The following NIPSNAP3B variants were observed in gnomAD, a reference collection of about 807,000 sequenced individuals.
NIPSNAP3B encodes nipsnap homolog 3B, also known as protein NipSnap homolog 3B.
A neutral mutation model predicts 31.5 loss-of-function variants in NIPSNAP3B; 30 were observed. The ratio of observed to expected loss-of-function variants is 0.95; its 90% CI spans 0.71 to 1.29. The LOEUF is 1.29. Ranked by LOEUF, NIPSNAP3B falls within the 50% of genes most tolerant of loss-of-function variation. The probability of loss-of-function intolerance (pLI) is 0.00; values close to 1 mark genes in which losing one functional copy is unlikely to be tolerated. For synonymous variants in NIPSNAP3B, 106 were observed against 107.9 expected (o/e 0.98, Z 0.11); for missense variants, 269 against 300.7 (o/e 0.89, Z 0.78).
chr9:104,786,137 A>T, the NIPSNAP3B span, among the ~76,000 whole-genome samples: 2 of 152,216 alleles, frequency 1.3e-5, 1 homozygote, highest in Non-Finnish European at 2.9e-5. Context: ...TAAAGACAGA[A>T]TTTGAATGCA....
At chr9:104,767,235 C>T (rs1828108434) in intron 2 of NIPSNAP3B, among the ~76,000 whole-genome samples, 1 of 152,084 alleles carries the variant, frequency 6.6e-6, no homozygotes, top group South Asian at 2.1e-4. Flanking sequence ...TTAGAGACCA[C>T]TTCTTTTTTC....
the NIPSNAP3B span, among the ~76,000 whole-genome samples, chr9:104,785,991 C>T: frequency 1.3e-5 from 2 of 152,172 alleles, no homozygotes; most frequent in African/African-American, 2.4e-5. Flanking sequence ...CCAAAGCTTG[C>T]GCTCTCACCA....
intron 1 of NIPSNAP3B, among the ~76,000 whole-genome samples, 184 bp from the exon 2 acceptor site, chr9:104,766,141 G>T (rs1357984497): frequency 1.3e-5 from 2 of 152,158 alleles, no homozygotes; most frequent in Non-Finnish European, 2.9e-5. Context: ...ATATTCATCA[G>T]AATTAAGAGT....
At chr9:104,771,071 A>G in intron 4 of NIPSNAP3B, 73 bp downstream of exon 4, 1 of 1,366,758 alleles carries the variant, frequency 7.3e-7, no homozygotes, top group Non-Finnish European at 1.0e-6. Context: ...TCATTTTGGT[A>G]CCTGTTTTAA....
downstream of NIPSNAP3B, among the ~76,000 whole-genome samples, chr9:104,780,033 ACAAAAACAAAAAG>A (rs1185733822): frequency 2.0e-5 from 3 of 152,222 alleles, no homozygotes; most frequent in African/African-American, 7.2e-5. Context: ...TTTCTCAAAA[ACAAAAACAAAAAG>A]CAAAAACAAA....
chr9:104,768,251 TACTG>T (rs534875830), intron 2 of NIPSNAP3B, among the ~76,000 whole-genome samples: 76 of 152,174 alleles, frequency 5.0e-4, no homozygotes, highest in African/African-American at 1.7e-3. Context: ...GAAAAAGAAT[TACTG>T]ACAAGAAATA....
the NIPSNAP3B span, chr9:104,788,131 A>C: frequency 6.8e-7 from 1 of 1,468,120 alleles, no homozygotes; most frequent in Non-Finnish European, 9.5e-7. Context: ...ACATGTATGA[A>C]AGTTCTTTCA....
At chr9:104,771,022 G>A in intron 4 of NIPSNAP3B, 24 bp downstream of exon 4, 1 of 1,611,168 alleles carries the variant, frequency 6.2e-7, no homozygotes, top group Non-Finnish European at 8.5e-7. Context: ...TTTGTTCTAT[G>A]AAGTTGCCAT....
At chr9:104,766,662 T>C in intron 2 of NIPSNAP3B, 127 bp downstream of exon 2, 1 of 888,820 alleles carries the variant, frequency 1.1e-6, no homozygotes, top group East Asian at 2.6e-5. Context: ...TTAAAAGCAA[T>C]ACCAAAAAAA....
downstream of NIPSNAP3B, chr9:104,782,072 C>T (rs937477753): frequency 6.6e-6 from 1 of 151,906 alleles, no homozygotes; most frequent in African/African-American, 2.4e-5. Context: ...ATCAGAGGAA[C>T]CGAAGTAAGG....
At chr9:104,785,683 CTATT>C in the NIPSNAP3B span, 1 of 1,611,502 alleles carries the variant, frequency 6.2e-7, no homozygotes. Flanking sequence ...CTCCAGAAAA[CTATT>C]TAAAAGAATA....
At chr9:104,784,482 A>G in the NIPSNAP3B span, 2 of 1,613,876 alleles carry the variant, frequency 1.2e-6, no homozygotes, top group Non-Finnish European at 1.7e-6. Flanking sequence ...ATGGACCTTT[A>G]TAAATACCAC....
rs1027346448 is a variant in NIPSNAP3B at position 104,774,294 on chromosome 9, C to A, written c.*1221C>A. 1.3e-5 allele frequency among the ~76,000 whole-genome samples: 2 copies of A among 152,150 alleles called. No individual in the cohort carries two copies. Among genetic ancestry groups the A allele is most frequent in the Non-Finnish European group, 2.9e-5 (2 of 68,020 alleles). The stretch of plus-strand genomic sequence containing the variant: ...CATTTATCAGGCTCTAAGCGATCTG[C>A]AGTTTATCTGGGCTATTATGCAATG... On this transcript the variant is annotated 3_prime_UTR_variant, in exon 6 of 6. Transcript: ENST00000374762.
At chr9:104,788,692 C>T in the NIPSNAP3B span, 2 of 1,235,852 alleles carry the variant, frequency 1.6e-6, no homozygotes, top group Non-Finnish European at 2.3e-6. Context: ...TCTGCTGCTA[C>T]TTGAAAGCAC....
At chr9:104,784,335 CT>C in the NIPSNAP3B span, 3 of 1,614,024 alleles carry the variant, frequency 1.9e-6, no homozygotes, top group Non-Finnish European at 1.7e-6. Context: ...CTTTCTTTCA[CT>C]TTCTCATCCT....
At position 104,764,240 on chromosome 9, in the gene NIPSNAP3B, C is replaced by G; in HGVS notation, c.-1C>G. On this transcript the variant is annotated 5_prime_UTR_variant, in exon 1 of 6. Transcript: ENST00000374762. ...GCTTTTCTCAGTGCCGAAGCCGCGC[C>G]ATGCTCGTTCTCAGAAGCGGCCTGA... 2 of 1,601,782 alleles carry G rather than the reference C, an allele frequency of 1.2e-6. No homozygotes were observed. The highest frequency in any genetic ancestry group is 1.7e-6 in the Non-Finnish European group (2 of 1,175,952).
chr9:104,776,384 T>G lies in NIPSNAP3B; in HGVS notation c.*3311T>G, dbSNP rs1353421677. On this transcript the variant is annotated 3_prime_UTR_variant, in exon 6 of 6. Transcript: ENST00000374762. ...ACAGTGGCCCCTATCTGCTAGAGAC[T>G]GAATGTTTTTGTCCCCCCAAAATTC... Among the ~76,000 whole-genome samples, 2 of 67,222 alleles carry G rather than the reference T, an allele frequency of 3.0e-5. No homozygotes were observed. The highest frequency in any genetic ancestry group is 6.5e-5 in the Non-Finnish European group (2 of 30,844). 44.1% of individuals were successfully genotyped at this position (67,222 alleles called of 152,430 possible). A position where few individuals can be genotyped will look rare whatever the true frequency, so the allele number is the denominator to read the frequency against.
chr9:104,788,302 A>G, the NIPSNAP3B span: 2 of 1,406,652 alleles, frequency 1.4e-6, no homozygotes, highest in Non-Finnish European at 1.0e-6. Flanking sequence ...ACAAAGAACC[A>G]GCATTTTGTG....
chr9:104,783,925 G>C, the NIPSNAP3B span: 1 of 187,690 alleles, frequency 5.3e-6, no homozygotes, highest in East Asian at 1.3e-4. Flanking sequence ...TTTTGATTTT[G>C]ATCAATAATC....
Sources: gnomAD v4.1 joint callset for allele counts (sites outside exome capture counted in the v4.1 genomes callset) on GRCh38, gnomAD v4.1.1 for gene constraint, MANE v1.5 for transcripts, NCBI Gene and HGNC (gene_info 2026-07-23, HGNC 2026-07-21) for gene names.